The following CSMD3 variants were observed in gnomAD, a reference collection of about 807,000 sequenced individuals.
CSMD3 encodes the protein CUB and sushi domain-containing protein 3.
A neutral mutation model predicts 435.2 loss-of-function variants in CSMD3; 177 were observed. The ratio of observed to expected loss-of-function variants is 0.41; its 90% confidence interval spans 0.36 to 0.46. The LOEUF (loss-of-function observed/expected upper bound fraction) is 0.46, where lower values mean the gene tolerates loss of function less well. Ranked by LOEUF, CSMD3 falls within the 20% of genes least tolerant of loss-of-function variation. CSMD3 has a pLI of 0.34. For missense variants in CSMD3, 4,265 were observed against 4,504.6 expected (o/e 0.95, Z 1.52); for synonymous variants, 1,656 against 1,520.5 (o/e 1.09, Z -2.07).
At chr8:113,321,704 A>G (rs572353131) in intron 1 of CSMD3, among the ~76,000 whole-genome samples, 3 of 152,294 alleles carry the variant, frequency 2.0e-5, no homozygotes, top group African/African-American at 7.2e-5. Flanking sequence ...CTTTGCCCAT[A>G]CCAAATGACT....
At chr8:113,032,069 A>G (rs2087133801) in intron 5 of CSMD3, among the ~76,000 whole-genome samples, 1 of 151,580 alleles carries the variant, frequency 6.6e-6, no homozygotes, top group South Asian at 2.1e-4. Flanking sequence ...ACTGTGAGTA[A>G]ATTAAACCTC....
chr8:112,294,431 C>T (rs993604382), intron 54 of CSMD3, among the ~76,000 whole-genome samples: 16 of 151,930 alleles, frequency 1.1e-4, no homozygotes, highest in East Asian at 3.9e-4. Context: ...TATAAATGTC[C>T]GTTATCTGGA....
intron 1 of CSMD3, among the ~76,000 whole-genome samples, chr8:113,422,429 G>GT (rs1287951244): frequency 6.6e-6 from 1 of 152,022 alleles, no homozygotes; most frequent in Non-Finnish European, 1.5e-5. Flanking sequence ...ATTCAAACTT[G>GT]ACCTCATTTG....
chr8:113,242,715 A>G (rs866775556), intron 3 of CSMD3, among the ~76,000 whole-genome samples: 10 of 152,158 alleles, frequency 6.6e-5, no homozygotes, highest in Middle Eastern at 6.8e-3. Flanking sequence ...TTTAAACATG[A>G]AATGTTAACA....
chr8:112,836,840 A>G (rs533487479), intron 11 of CSMD3, among the ~76,000 whole-genome samples: 1 of 151,938 alleles, frequency 6.6e-6, no homozygotes, highest in Admixed American at 6.6e-5. Context: ...TCGTTTTAAT[A>G]AATTCTCAGT....
At chr8:112,464,276 C>CT (rs1375110791) in intron 32 of CSMD3, among the ~76,000 whole-genome samples, 2 of 150,992 alleles carry the variant, frequency 1.3e-5, no homozygotes. Flanking sequence ...GCTGATATTG[C>CT]TATCCAGGTC....
intron 1 of CSMD3, among the ~76,000 whole-genome samples, chr8:113,354,024 A>G (rs2094206099): frequency 6.6e-6 from 1 of 152,152 alleles, no homozygotes; most frequent in African/African-American, 2.4e-5. Context: ...TTTTTAATAA[A>G]AGTGTACAAA....
At chr8:112,615,933 C>A (rs1329510057) in intron 22 of CSMD3, among the ~76,000 whole-genome samples, 4 of 152,120 alleles carry the variant, frequency 2.6e-5, no homozygotes, top group Non-Finnish European at 5.9e-5. Context: ...AAATCCCTTT[C>A]TTTGTTATTT....
chr8:113,196,212 G>A (rs982526119), intron 3 of CSMD3, among the ~76,000 whole-genome samples: 5 of 150,450 alleles, frequency 3.3e-5, no homozygotes, highest in Non-Finnish European at 7.4e-5. Context: ...GAGTCATGGG[G>A]CCACAAGAAA....
intron 32 of CSMD3, among the ~76,000 whole-genome samples, chr8:112,447,317 C>T (rs1815719473): frequency 6.6e-6 from 1 of 152,086 alleles, no homozygotes; most frequent in South Asian, 2.1e-4. Flanking sequence ...AAATGAAACT[C>T]ATGTAGCCAT....
At chr8:113,361,564 TA>T (rs1271764637) in intron 1 of CSMD3, among the ~76,000 whole-genome samples, 1 of 152,078 alleles carries the variant, frequency 6.6e-6, no homozygotes, top group Non-Finnish European at 1.5e-5. Flanking sequence ...CCAATGGTCA[TA>T]AAAAGTTAGA....
intron 53 of CSMD3, among the ~76,000 whole-genome samples, chr8:112,297,895 A>C (rs1342123255): frequency 1.3e-5 from 2 of 151,980 alleles, no homozygotes; most frequent in Non-Finnish European, 2.9e-5. Flanking sequence ...CTAAAGCAGG[A>C]GGATCTTTTG....
intron 13 of CSMD3, among the ~76,000 whole-genome samples, chr8:112,706,942 T>G (rs971416031): frequency 1.3e-5 from 2 of 152,078 alleles, no homozygotes. Context: ...GCAACCTTAC[T>G]TAACCTGTCT....
At chr8:113,006,188 T>C (rs562712039) in intron 6 of CSMD3, among the ~76,000 whole-genome samples, 1 of 152,192 alleles carries the variant, frequency 6.6e-6, no homozygotes, top group East Asian at 1.9e-4. Context: ...ACAGAGGCTA[T>C]TTCAGTTTGT....
At chr8:112,609,025 C>A (rs111308114) in intron 22 of CSMD3, among the ~76,000 whole-genome samples, 3 of 151,242 alleles carry the variant, frequency 2.0e-5, no homozygotes, top group African/African-American at 7.3e-5. Flanking sequence ...AGTTTCTGCC[C>A]AGCAAGGGTA....
intron 1 of CSMD3, among the ~76,000 whole-genome samples, chr8:113,402,604 TATC>T (rs900257703): frequency 6.6e-6 from 1 of 151,286 alleles, no homozygotes; most frequent in Non-Finnish European, 1.5e-5. Flanking sequence ...TCTTATTTAA[TATC>T]ATCATCATCA....
chr8:112,484,707 GCATCCCTAAT>G (rs1819952401), intron 31 of CSMD3, among the ~76,000 whole-genome samples: 1 of 151,968 alleles, frequency 6.6e-6, no homozygotes, highest in African/African-American at 2.4e-5. Flanking sequence ...TGCAGGTTGA[GCATCCCTAAT>G]TCAAAACGCA....
intron 13 of CSMD3, among the ~76,000 whole-genome samples, chr8:112,737,629 C>G (rs1563911276): frequency 6.6e-6 from 1 of 151,820 alleles, no homozygotes; most frequent in Non-Finnish European, 1.5e-5. Context: ...CAGAAGTGTC[C>G]TGGTTTGAAC....
At chr8:113,253,731 T>C (rs556973222) in intron 3 of CSMD3, among the ~76,000 whole-genome samples, 61 of 151,502 alleles carry the variant, frequency 4.0e-4, no homozygotes, top group African/African-American at 1.4e-3. Flanking sequence ...CCCAGCTACT[T>C]GGGAGGCTGA....
Sources: gnomAD v4.1 joint callset for allele counts (sites outside exome capture counted in the v4.1 genomes callset) on GRCh38, gnomAD v4.1.1 for gene constraint, MANE v1.5 for transcripts, NCBI Gene and HGNC (gene_info 2026-07-23, HGNC 2026-07-21) for gene names.